Variants in MALRD1 observed in about 807,000 individuals in gnomAD.
MALRD1 encodes MAM and LDL-receptor class A domain-containing protein 1.
A neutral mutation model predicts 242.1 loss-of-function variants in MALRD1; 247 were observed. The ratio of observed to expected loss-of-function variants is 1.02; its 90% confidence interval spans 0.92 to 1.13. The LOEUF is 1.13. Among genes scored for constraint, MALRD1 ranks in the 50% most tolerant of loss-of-function variants. The pLI is 0.00. For synonymous variants in MALRD1, 995 were observed against 866.6 expected (o/e 1.15, Z -2.60); for missense variants, 2,989 against 2,533.1 (o/e 1.18, Z -3.86).
chr10:19,121,139 G>T (rs1337642394), intron 5 of MALRD1, among the ~76,000 whole-genome samples: 3 of 148,454 alleles, frequency 2.0e-5, no homozygotes, highest in African/African-American at 5.0e-5. Context: ...CGCCTCCTGG[G>T]TTCAAGCAAT....
intron 24 of MALRD1, among the ~76,000 whole-genome samples, chr10:19,341,458 ATATATGTATATATG>A (rs1446570311): frequency 5.2e-5 from 6 of 115,336 alleles, no homozygotes; most frequent in African/African-American, 1.6e-4. Flanking sequence ...ATATGTGTAT[ATATATGTATATATG>A]TATATATATG....
intron 26 of MALRD1, among the ~76,000 whole-genome samples, chr10:19,378,690 C>T (rs1188452200): frequency 1.3e-5 from 2 of 152,096 alleles, no homozygotes; most frequent in Non-Finnish European, 2.9e-5. Flanking sequence ...ATGATCATGA[C>T]GTACTGTCTT....
chr10:19,617,123 G>A (rs556768052), intron 36 of MALRD1, among the ~76,000 whole-genome samples: 10 of 151,980 alleles, frequency 6.6e-5, no homozygotes, highest in South Asian at 6.2e-4. Context: ...ATTTTTGTCC[G>A]CTTTAATCCT....
chr10:19,730,833 AAC>A (rs144880931), intron 39 of MALRD1, 52 bp downstream of exon 39: 20,915 of 1,271,144 alleles, frequency 0.016, no homozygotes, highest in Non-Finnish European at 0.017. Context: ...CACACATACA[AAC>A]ACACACACAC....
At chr10:19,183,892 G>A (rs1835628748) in intron 14 of MALRD1, among the ~76,000 whole-genome samples, 1 of 152,138 alleles carries the variant, frequency 6.6e-6, no homozygotes, top group Non-Finnish European at 1.5e-5. Context: ...TAACCCAGGT[G>A]TACAGGTTTT....
At chr10:19,198,363 T>C (rs1836359128) in intron 14 of MALRD1, among the ~76,000 whole-genome samples, 1 of 152,198 alleles carries the variant, frequency 6.6e-6, no homozygotes, top group Admixed American at 6.5e-5. Flanking sequence ...CCCAGGTAGA[T>C]AGATGTACAC....
chr10:19,058,715 G>T, intron 1 of MALRD1, among the ~76,000 whole-genome samples: 1 of 151,824 alleles, frequency 6.6e-6, no homozygotes, highest in East Asian at 1.9e-4. Context: ...TAAAATTCTT[G>T]AAAACAACTC....
chr10:19,148,789 ATATAT>A (rs1254832768), intron 11 of MALRD1, among the ~76,000 whole-genome samples: 7 of 41,808 alleles, frequency 1.7e-4, no homozygotes, highest in African/African-American at 4.4e-4. Context: ...AAAAAAAAAA[ATATAT>A]ATATATATAT....
chr10:19,581,070 A>G (rs1441847420), intron 33 of MALRD1, among the ~76,000 whole-genome samples: 5 of 152,180 alleles, frequency 3.3e-5, no homozygotes, highest in African/African-American at 9.6e-5. Context: ...AAAGAAATTA[A>G]TATTTGTATA....
intron 24 of MALRD1, among the ~76,000 whole-genome samples, chr10:19,345,965 T>C (rs1399867946): frequency 6.6e-6 from 1 of 152,068 alleles, no homozygotes; most frequent in Non-Finnish European, 1.5e-5. Context: ...TTTAATTATT[T>C]GTAGAGACAA....
chr10:19,642,062 A>G (rs1328706247), intron 36 of MALRD1, among the ~76,000 whole-genome samples: 1 of 152,226 alleles, frequency 6.6e-6, no homozygotes, highest in Non-Finnish European at 1.5e-5. Context: ...CAAATGATAC[A>G]TTACAAACTC....
chr10:19,607,681 A>G (rs1312188944), intron 34 of MALRD1, 96 bp from the exon 35 acceptor site: 13 of 1,409,278 alleles, frequency 9.2e-6, no homozygotes, highest in South Asian at 1.5e-5. Context: ...CAAGAGTAAT[A>G]TAATAAACTG....
chr10:19,268,338 A>C (rs1840052675), intron 19 of MALRD1, among the ~76,000 whole-genome samples: 1 of 152,260 alleles, frequency 6.6e-6, no homozygotes, highest in South Asian at 2.1e-4. Flanking sequence ...CTTTCATAAA[A>C]CCTTTTCACC....
intron 36 of MALRD1, among the ~76,000 whole-genome samples, chr10:19,649,174 T>C (rs2131700407): frequency 6.6e-6 from 1 of 152,324 alleles, no homozygotes; most frequent in South Asian, 2.1e-4. Flanking sequence ...TCTTTGCTAT[T>C]GTGAACACTG....
chr10:19,668,783 A>C (rs1400559469), intron 36 of MALRD1, among the ~76,000 whole-genome samples: 2 of 152,098 alleles, frequency 1.3e-5, no homozygotes, highest in Non-Finnish European at 2.9e-5. Context: ...CCAAAAAAAG[A>C]GTATAAAGGA....
At chr10:19,178,123 T>A (rs1282444768) in intron 14 of MALRD1, among the ~76,000 whole-genome samples, 1 of 152,180 alleles carries the variant, frequency 6.6e-6, no homozygotes, top group Non-Finnish European at 1.5e-5. Flanking sequence ...AGACACTTGA[T>A]CTTGCTTATG....
rs952024444 is a variant in MALRD1, at chr10:19,088,288, G to A, written c.597+103G>A. The A allele has an allele frequency of 4.8e-6, 5 of 1,032,392 alleles. No homozygotes were observed. The East Asian group carries it at 1.3e-4, about 27-fold the overall frequency. 64.0% of individuals were successfully genotyped at this position (1,032,392 alleles called of 1,614,324 possible). A position where few individuals can be genotyped will look rare whatever the true frequency, so the allele number is the denominator to read the frequency against. On this transcript the variant is annotated intron_variant, in intron 4 of 39. Coordinates refer to ENST00000454679, the MANE Select transcript of MALRD1 (RefSeq NM_001142308.3). The stretch of plus-strand genomic sequence containing the variant: ...TAAGGCAACTGTCCCAGTTTGCCAG[G>A]GACTGAGGGATTTCCCAGGACTTTC...
At chr10:19,271,784 C>T (rs1361697964) in intron 19 of MALRD1, among the ~76,000 whole-genome samples, 3 of 151,986 alleles carry the variant, frequency 2.0e-5, no homozygotes, top group Non-Finnish European at 4.4e-5. Flanking sequence ...AAAGTTAACT[C>T]ATTTAATCAC....
At chr10:19,148,409 T>G (rs1047446995) in intron 11 of MALRD1, among the ~76,000 whole-genome samples, 1 of 151,998 alleles carries the variant, frequency 6.6e-6, no homozygotes, top group Admixed American at 6.6e-5. Context: ...GGAGTTGTCA[T>G]GAGGATTAAA....
Sources: gnomAD v4.1 joint callset for allele counts (sites outside exome capture counted in the v4.1 genomes callset) on GRCh38, gnomAD v4.1.1 for gene constraint, MANE v1.5 for transcripts, NCBI Gene and HGNC (gene_info 2026-07-23, HGNC 2026-07-21) for gene names.